Variants in RBFOX1 observed in about 807,000 individuals in gnomAD.
RBFOX1 encodes the protein RNA binding fox-1 homolog 1.
In RBFOX1, 8 loss-of-function variants were observed where a neutral mutation model predicts 57.7. That is an observed-to-expected ratio of 0.14 (90% confidence interval 0.08 to 0.25). The LOEUF is 0.25. RBFOX1 is among the 10% of genes least tolerant of loss of function. The pLI, the probability that RBFOX1 is intolerant of heterozygous loss-of-function variation, is 1.00. For synonymous variants in RBFOX1, 326 were observed against 222.4 expected, an observed-to-expected ratio of 1.47 and a Z score of -4.15; for missense variants, 611 against 548.5, an observed-to-expected ratio of 1.11 and a Z score of -1.14.
rs138204747 is a variant in RBFOX1 at position 6,953,663 on chromosome 16, G to A, written c.-15-98394G>A. 6.8e-3 allele frequency among the ~76,000 whole-genome samples: 1,032 copies of A among 152,180 alleles called. 9 individuals are homozygous for A. The highest frequency in any genetic ancestry group is 6.8e-3 in the Non-Finnish European group (460 of 68,018). ...CGGCCTCCCAAAGCGCTGGGATTATGGGCATGAGCCACAGTGCCCAGCCTC... is the reference window on the plus strand; with the variant it reads ...CGGCCTCCCAAAGCGCTGGGATTATAGGCATGAGCCACAGTGCCCAGCCTC... On this transcript the variant is annotated intron_variant, in intron 3 of 15. Transcript: ENST00000550418.
At chr16:7,555,782 C>T (rs1323083807) in intron 5 of RBFOX1, among the ~76,000 whole-genome samples, 1 of 152,154 alleles carries the variant, frequency 6.6e-6, no homozygotes, top group Non-Finnish European at 1.5e-5. Flanking sequence ...TCAAATGTCA[C>T]CTTCATAAAA....
intron 4 of RBFOX1, among the ~76,000 whole-genome samples, chr16:5,963,624 C>T (rs2059792468): frequency 6.6e-6 from 1 of 152,126 alleles, no homozygotes; most frequent in African/African-American, 2.4e-5. Flanking sequence ...ATCAACTGAC[C>T]TTCAACAAGG....
intron 4 of RBFOX1, among the ~76,000 whole-genome samples, chr16:5,916,057 G>C (rs965111492): frequency 6.6e-5 from 10 of 152,052 alleles, no homozygotes; most frequent in African/African-American, 2.2e-4. Context: ...TATAAGATTG[G>C]ATTGTGCAGA....
chr16:7,667,519 C>G (rs534271670), intron 13 of RBFOX1, among the ~76,000 whole-genome samples: 24 of 152,268 alleles, frequency 1.6e-4, no homozygotes, highest in African/African-American at 5.5e-4. Context: ...GTTAAACAGA[C>G]TCTTAGAAAG....
At chr16:7,250,392 G>C (rs774419300) in intron 4 of RBFOX1, among the ~76,000 whole-genome samples, 2 of 152,192 alleles carry the variant, frequency 1.3e-5, no homozygotes, top group African/African-American at 4.8e-5. Flanking sequence ...CCAGCTTAAT[G>C]ATATAAAGCC....
chr16:7,205,550 T>G (rs112586565), intron 4 of RBFOX1, among the ~76,000 whole-genome samples: 6 of 151,762 alleles, frequency 4.0e-5, no homozygotes, highest in African/African-American at 1.4e-4. Flanking sequence ...AAAAGAAAAC[T>G]TACGGAAATA....
chr16:6,423,499 T>C (rs146781606), intron 2 of RBFOX1, among the ~76,000 whole-genome samples: 1 of 152,236 alleles, frequency 6.6e-6, no homozygotes, highest in East Asian at 1.9e-4. Flanking sequence ...GTTGGAAGGC[T>C]GAGGTGAGAG....
chr16:6,355,847 C>G (rs1053222523), intron 2 of RBFOX1, among the ~76,000 whole-genome samples: 2 of 152,106 alleles, frequency 1.3e-5, no homozygotes, highest in African/African-American at 2.4e-5. Context: ...ATTCTTTCAA[C>G]TAGAAGTTGG....
At chr16:7,114,720 C>G (rs553350174) in intron 4 of RBFOX1, among the ~76,000 whole-genome samples, 1 of 152,204 alleles carries the variant, frequency 6.6e-6, no homozygotes, top group Non-Finnish European at 1.5e-5. Context: ...TTTCTACGCT[C>G]ATGAAGAGTC....
intron 1 of RBFOX1, among the ~76,000 whole-genome samples, chr16:5,246,868 G>T (rs572946354): frequency 6.6e-6 from 1 of 152,078 alleles, no homozygotes; most frequent in South Asian, 2.1e-4. Context: ...ATGGGGTCTT[G>T]CTATGTTATG....
At chr16:5,490,560 C>G (rs771937012) in intron 2 of RBFOX1, among the ~76,000 whole-genome samples, 47 of 152,306 alleles carry the variant, frequency 3.1e-4, no homozygotes, top group Admixed American at 1.8e-3. Flanking sequence ...TGGAATCCCC[C>G]GCCCTCCATG....
chr16:7,384,486 C>G (rs112994436), intron 4 of RBFOX1, among the ~76,000 whole-genome samples: 2 of 152,064 alleles, frequency 1.3e-5, no homozygotes, highest in East Asian at 1.9e-4. Context: ...GTTTTCATGC[C>G]AAACATAGCT....
chr16:5,388,116 G>C (rs952624380), intron 1 of RBFOX1, among the ~76,000 whole-genome samples: 1 of 152,170 alleles, frequency 6.6e-6, no homozygotes, highest in Non-Finnish European at 1.5e-5. Flanking sequence ...AACTATGTCA[G>C]ACTTCTGACC....
At chr16:7,153,996 G>C (rs933178834) in intron 4 of RBFOX1, among the ~76,000 whole-genome samples, 1 of 152,198 alleles carries the variant, frequency 6.6e-6, no homozygotes, top group East Asian at 1.9e-4. Flanking sequence ...GTGTGGATTT[G>C]ATTCTCAATT....
intron 1 of RBFOX1, among the ~76,000 whole-genome samples, chr16:5,325,616 C>T (rs962199589): frequency 6.6e-6 from 1 of 152,148 alleles, no homozygotes; most frequent in Non-Finnish European, 1.5e-5. Context: ...CACTGATGAT[C>T]CACTCATCTG....
intron 4 of RBFOX1, among the ~76,000 whole-genome samples, chr16:6,004,728 C>T (rs139343778): frequency 2.3e-3 from 348 of 152,304 alleles, no homozygotes; most frequent in Non-Finnish European, 2.5e-3. Flanking sequence ...TATTGATACT[C>T]GGCCCTAAGA....
chr16:7,177,144 C>G (rs191972669), intron 4 of RBFOX1, among the ~76,000 whole-genome samples: 1 of 152,320 alleles, frequency 6.6e-6, no homozygotes, highest in African/African-American at 2.4e-5. Flanking sequence ...CGACACTTTG[C>G]TGACTGGCAT....
intron 3 of RBFOX1, among the ~76,000 whole-genome samples, chr16:6,730,015 A>T (rs995539075): frequency 3.3e-5 from 5 of 152,032 alleles, no homozygotes. Flanking sequence ...TCTAGGAAGT[A>T]ATTTGGAGAG....
At chr16:6,389,904 C>A (rs2092508697) in intron 2 of RBFOX1, among the ~76,000 whole-genome samples, 1 of 152,320 alleles carries the variant, frequency 6.6e-6, no homozygotes, top group East Asian at 1.9e-4. Flanking sequence ...GTACTGCCAT[C>A]TGAGTCGCTG....
Sources: allele counts gnomAD v4.1 joint callset (sites outside exome capture counted in the v4.1 genomes callset), GRCh38; gene constraint gnomAD v4.1.1; transcripts MANE v1.5; gene names NCBI Gene and HGNC (gene_info 2026-07-23, HGNC 2026-07-21).